The following FAM53B variants were observed in gnomAD, a reference collection of about 807,000 sequenced individuals.
FAM53B encodes the protein protein FAM53B.
In FAM53B, 12 loss-of-function variants were observed where a neutral mutation model predicts 32.7. That is an observed-to-expected ratio of 0.37 (90% CI 0.24 to 0.59). FAM53B has a LOEUF of 0.59. FAM53B is among the 20% of genes least tolerant of loss of function. The probability of loss-of-function intolerance (pLI) is 0.72; values close to 1 mark genes in which losing one functional copy is unlikely to be tolerated. For missense variants in FAM53B, 477 were observed against 577.7 expected (o/e 0.83, Z 1.79); for synonymous variants, 234 against 228.7 (o/e 1.02, Z -0.21).
At chr10:124,713,676 TA>T (rs1438048443) in intron 1 of FAM53B, 2 of 152,254 alleles carry the variant, frequency 1.3e-5, no homozygotes, top group African/African-American at 4.8e-5. Context: ...GGCTATCCCT[TA>T]AAAGAAACTG....
intron 4 of FAM53B, among the ~76,000 whole-genome samples, chr10:124,634,087 T>G (rs1949410688): frequency 1.3e-5 from 2 of 152,234 alleles, no homozygotes; most frequent in African/African-American, 4.8e-5. Context: ...TATGTCTATG[T>G]AGAAACTTGT....
At chr10:124,697,260 A>C (rs941579530) in intron 2 of FAM53B, among the ~76,000 whole-genome samples, 17 of 152,300 alleles carry the variant, frequency 1.1e-4, no homozygotes, top group African/African-American at 4.1e-4. Context: ...TCTTAGCCCC[A>C]GAGAAATGAG....
chr10:124,719,849 G>A (rs1404926506), intron 1 of FAM53B, among the ~76,000 whole-genome samples: 1 of 152,164 alleles, frequency 6.6e-6, no homozygotes, highest in Non-Finnish European at 1.5e-5. Context: ...ATGTGCAGGA[G>A]AAGGAAAAGT....
At chr10:124,672,448 C>T (rs1247136853) in intron 4 of FAM53B, among the ~76,000 whole-genome samples, 3 of 152,250 alleles carry the variant, frequency 2.0e-5, no homozygotes, top group South Asian at 2.1e-4. Context: ...GCCTCCCTTT[C>T]GCTGCATCCT....
At chr10:124,656,005 A>T (rs1949587135) in intron 4 of FAM53B, among the ~76,000 whole-genome samples, 1 of 152,270 alleles carries the variant, frequency 6.6e-6, no homozygotes, top group Admixed American at 6.5e-5. Context: ...TCCATCCAGC[A>T]GCAGGCAATG....
At chr10:124,661,810 C>T (rs542399629) in intron 4 of FAM53B, among the ~76,000 whole-genome samples, 1 of 152,382 alleles carries the variant, frequency 6.6e-6, no homozygotes, top group African/African-American at 2.4e-5. Context: ...CAATCTTAGC[C>T]TGCTTCATCC....
intron 4 of FAM53B, among the ~76,000 whole-genome samples, chr10:124,679,851 G>T (rs964070796): frequency 1.6e-4 from 24 of 152,386 alleles, no homozygotes; most frequent in African/African-American, 5.5e-4. Context: ...ACGAGGTCAA[G>T]AAATGTCTCC....
At chr10:124,648,268 G>A (rs1461170046) in intron 4 of FAM53B, among the ~76,000 whole-genome samples, 1 of 152,242 alleles carries the variant, frequency 6.6e-6, no homozygotes, top group Non-Finnish European at 1.5e-5. Context: ...CACGGCAGAG[G>A]GCCAAGCCTT....
At chr10:124,697,701 G>A (rs116495620) in intron 2 of FAM53B, among the ~76,000 whole-genome samples, 1 of 151,974 alleles carries the variant, frequency 6.6e-6, no homozygotes, top group African/African-American at 2.4e-5. Flanking sequence ...GCAGCCTCCT[G>A]GGGGGGATGC....
chr10:124,717,909 G>A (rs771420470), intron 1 of FAM53B, among the ~76,000 whole-genome samples: 1 of 152,098 alleles, frequency 6.6e-6, no homozygotes, highest in Non-Finnish European at 1.5e-5. Context: ...TCCCTCTCCT[G>A]CAGGACAATC....
chr10:124,648,558 A>G (rs960535668), intron 4 of FAM53B, among the ~76,000 whole-genome samples: 1 of 152,142 alleles, frequency 6.6e-6, no homozygotes, highest in African/African-American at 2.4e-5. Flanking sequence ...CTCAAGAATA[A>G]TTGCCATGGG....
chr10:124,629,231 G>A (rs1033494515), intron 4 of FAM53B, among the ~76,000 whole-genome samples: 3 of 152,092 alleles, frequency 2.0e-5, no homozygotes, highest in African/African-American at 4.8e-5. Context: ...TCGGTTAGTC[G>A]GTGTCTTAAG....
intron 4 of FAM53B, 148 bp from the exon 5 acceptor site, chr10:124,623,752 T>C (rs1949327972): frequency 1.2e-6 from 1 of 803,618 alleles, no homozygotes; most frequent in Admixed American, 3.2e-5. Context: ...GACGGGCCCA[T>C]GAGCAACGTA....
intron 4 of FAM53B, among the ~76,000 whole-genome samples, chr10:124,640,776 G>A (rs1208075552): frequency 6.6e-6 from 1 of 152,202 alleles, no homozygotes; most frequent in Non-Finnish European, 1.5e-5. Context: ...GGTGCCAGCA[G>A]TCTGAATCCG....
At chr10:124,635,339 G>A (rs1589732269) in intron 4 of FAM53B, among the ~76,000 whole-genome samples, 2 of 152,108 alleles carry the variant, frequency 1.3e-5, no homozygotes, top group Non-Finnish European at 2.9e-5. Context: ...GATCTGCCTC[G>A]GCCTCCCAAA....
chr10:124,730,387 G>A (rs901418717), intron 1 of FAM53B, among the ~76,000 whole-genome samples: 1 of 152,226 alleles, frequency 6.6e-6, no homozygotes, highest in Non-Finnish European at 1.5e-5. Flanking sequence ...CATGGTGGGG[G>A]CCTGCCAATG....
intron 4 of FAM53B, among the ~76,000 whole-genome samples, chr10:124,639,778 G>A (rs564181759): frequency 1.1e-4 from 16 of 152,152 alleles, no homozygotes; most frequent in Non-Finnish European, 2.1e-4. Context: ...CTGCGTCTGA[G>A]TGAAAGTGCT....
intron 2 of FAM53B, among the ~76,000 whole-genome samples, chr10:124,704,943 T>C (rs1949942491): frequency 1.3e-5 from 2 of 152,088 alleles, no homozygotes; most frequent in South Asian, 4.1e-4. Context: ...ACACAGCAAA[T>C]GTGAACTGGA....
intron 4 of FAM53B, among the ~76,000 whole-genome samples, chr10:124,626,835 T>A (rs576690298): frequency 2.6e-5 from 4 of 152,170 alleles, no homozygotes; most frequent in African/African-American, 9.7e-5. Context: ...TCCATCCACA[T>A]GGGCATCACG....
Sources: gnomAD v4.1 joint callset for allele counts (sites outside exome capture counted in the v4.1 genomes callset) on GRCh38, gnomAD v4.1.1 for gene constraint, MANE v1.5 for transcripts, NCBI Gene and HGNC (gene_info 2026-07-23, HGNC 2026-07-21) for gene names.